Variants in ANKRD11 observed in about 807,000 individuals in gnomAD.
ANKRD11 encodes the protein ankyrin repeat domain-containing protein 11.
A neutral mutation model predicts 195.7 loss-of-function variants in ANKRD11; 17 were observed. The ratio of observed to expected loss-of-function variants is 0.09; its 90% CI spans 0.06 to 0.13. The LOEUF is 0.13. ANKRD11 is among the 10% of genes least tolerant of loss of function. The probability of loss-of-function intolerance (pLI) is 1.00; values close to 1 mark genes in which losing one functional copy is unlikely to be tolerated. For synonymous variants in ANKRD11, 1,953 were observed against 1,528.1 expected, an observed-to-expected ratio of 1.28 and a Z score of -6.49; for missense variants, 3,735 against 3,566.1, an observed-to-expected ratio of 1.05 and a Z score of -1.21.
intron 1 of ANKRD11, among the ~76,000 whole-genome samples, chr16:89,444,683 C>T (rs185005507): frequency 7.2e-5 from 11 of 152,284 alleles, no homozygotes; most frequent in African/African-American, 2.4e-4. Flanking sequence ...TAGTGGCTCA[C>T]GCTTGTAATC....
At position 89,282,505 on chromosome 16, in the gene ANKRD11, T is replaced by C; in HGVS notation, c.4037A>G (p.Glu1346Gly). Residue 1346 changes from glutamate to glycine, a missense_variant, in exon 9 of 13, where the codon GAG becomes GGG. Physicochemically the swap from Glu to Gly is moderately conservative, Grantham distance 98. Coordinates refer to ENST00000301030, the MANE Select transcript of ANKRD11 (RefSeq NM_013275.6). Reference sequence around the variant, plus strand: ...TGAGGAGTGTCTGTGCCTCTCCTTCTCTTTCAGCTTCTCAGGGAGGCAGGC... The same window carrying C: ...TGAGGAGTGTCTGTGCCTCTCCTTCCCTTTCAGCTTCTCAGGGAGGCAGGC... ...ESACLPEKLKEKERHRHSSSS... is the reference protein window; with the variant it reads ...ESACLPEKLKGKERHRHSSSS... The C allele has an allele frequency of 6.2e-7, 1 of 1,614,144 alleles. No homozygotes were observed. Among genetic ancestry groups the C allele is most frequent in the Non-Finnish European group, 8.5e-7 (1 of 1,180,018 alleles).
chr16:89,452,749 C>T (rs2044137478), intron 1 of ANKRD11, among the ~76,000 whole-genome samples: 1 of 128,906 alleles, frequency 7.8e-6, no homozygotes, highest in Non-Finnish European at 1.5e-5. Flanking sequence ...CATTGCACTC[C>T]AGCCTAGGCA....
intron 2 of ANKRD11, among the ~76,000 whole-genome samples, chr16:89,388,141 T>C (rs374378320): frequency 2.6e-5 from 4 of 152,118 alleles, no homozygotes; most frequent in African/African-American, 9.6e-5. Flanking sequence ...GCTAACATCA[T>C]ACATAAACAT....
chr16:89,489,931 GGCCGACCCAAGCTCC>G (rs2057762942), intron 1 of ANKRD11, among the ~76,000 whole-genome samples: 2 of 113,738 alleles, frequency 1.8e-5, no homozygotes, highest in African/African-American at 6.8e-5. Context: ...CGCCCCTTAC[GGCCGACCCAAGCTCC>G]GCCGACCTCC....
chr16:89,290,360 TG>T (rs1177675043), intron 6 of ANKRD11, among the ~76,000 whole-genome samples: 1 of 31,026 alleles, frequency 3.2e-5, no homozygotes, highest in African/African-American at 1.3e-4. Flanking sequence ...AGGGCTCCAA[TG>T]GGGGGAGGCT....
At chr16:89,427,036 G>C (rs2042745049) in intron 1 of ANKRD11, among the ~76,000 whole-genome samples, 1 of 152,146 alleles carries the variant, frequency 6.6e-6, no homozygotes, top group Admixed American at 6.5e-5. Context: ...ATGCAACAAG[G>C]TCTTCAGTCA....
At chr16:89,442,735 C>T (rs747393062) in intron 1 of ANKRD11, among the ~76,000 whole-genome samples, 8 of 152,180 alleles carry the variant, frequency 5.3e-5, no homozygotes, top group African/African-American at 7.2e-5. Context: ...CCCAGACACG[C>T]ACAGCAAGGT....
chr16:89,277,161 C>T (rs1038321914), intron 9 of ANKRD11, among the ~76,000 whole-genome samples: 2 of 152,260 alleles, frequency 1.3e-5, no homozygotes, highest in African/African-American at 2.4e-5. Context: ...CCCAGCCCCC[C>T]AGTGAGGGTT....
intron 1 of ANKRD11, among the ~76,000 whole-genome samples, chr16:89,423,084 C>T (rs764092920): frequency 6.6e-6 from 1 of 152,186 alleles, no homozygotes; most frequent in African/African-American, 2.4e-5. Context: ...CCAAGGGCCA[C>T]GGTGGTTTCA....
intron 1 of ANKRD11, among the ~76,000 whole-genome samples, chr16:89,440,269 G>T (rs987385532): frequency 3.3e-5 from 5 of 152,130 alleles, no homozygotes; most frequent in African/African-American, 9.7e-5. Flanking sequence ...ATGTTCCCCT[G>T]GGGGGAGGGA....
intron 2 of ANKRD11, among the ~76,000 whole-genome samples, chr16:89,402,479 A>T (rs1412977194): frequency 6.6e-6 from 1 of 152,092 alleles, no homozygotes; most frequent in East Asian, 1.9e-4. Context: ...CAAGAGTTCA[A>T]GAGCATCCTG....
chr16:89,270,493 G>A (rs1477288083), intron 12 of ANKRD11: 1 of 418,052 alleles, frequency 2.4e-6, no homozygotes, highest in African/African-American at 2.0e-5. Flanking sequence ...GAGCAGTGGA[G>A]GGTGAATGCT....
intron 2 of ANKRD11, among the ~76,000 whole-genome samples, chr16:89,349,134 T>TAAAAAAAAAAAAAAAAAAAAAAAAA (rs59621400): frequency 1.2e-4 from 2 of 16,578 alleles, no homozygotes; most frequent in Non-Finnish European, 1.9e-4. Context: ...TCTCAAAAAG[T>TAAAAAAAAAAAAAAAAAAAAAAAAA]AAAAAAAAAA....
rs537414925 is a variant in ANKRD11 at position 89,397,056 on chromosome 16, T to C, written c.-60+21228A>G. 1.2e-4 allele frequency among the ~76,000 whole-genome samples: 19 copies of C among 152,184 alleles called. 1 individual carries two copies. In the East Asian group the frequency reaches 3.3e-3, roughly 26 times the overall value. ...TTTTTTAAAGAATGTGCTGCTTATA[T>C]GCAATGGGCTTATTATTCCTGTTGT... is the stretch of plus-strand genomic sequence containing the variant. On this transcript the variant is annotated intron_variant, in intron 2 of 12. Coordinates refer to ENST00000301030, the MANE Select transcript of ANKRD11 (RefSeq NM_013275.6).
chr16:89,312,633 G>A (rs1040199249), intron 3 of ANKRD11, among the ~76,000 whole-genome samples: 1 of 43,840 alleles, frequency 2.3e-5, no homozygotes, highest in Non-Finnish European at 5.8e-5. Context: ...CCCTCTCCAC[G>A]AGCCCATGTG....
At chr16:89,310,320 G>A (rs1000170002) in intron 3 of ANKRD11, among the ~76,000 whole-genome samples, 6 of 152,234 alleles carry the variant, frequency 3.9e-5, no homozygotes, top group African/African-American at 1.2e-4. Flanking sequence ...CTACCAAGAG[G>A]AAGCACACTA....
At chr16:89,410,785 G>T (rs1280508211) in intron 2 of ANKRD11, among the ~76,000 whole-genome samples, 3 of 152,242 alleles carry the variant, frequency 2.0e-5, no homozygotes, top group African/African-American at 7.2e-5. Context: ...CCCATGCCCA[G>T]GCAGAGAGCC....
intron 1 of ANKRD11, among the ~76,000 whole-genome samples, chr16:89,455,479 C>T (rs984883600): frequency 1.3e-5 from 2 of 152,148 alleles, no homozygotes; most frequent in African/African-American, 4.8e-5. Flanking sequence ...CCTCAAAACA[C>T]ACCAGGTGGG....
intron 1 of ANKRD11, among the ~76,000 whole-genome samples, chr16:89,421,646 T>A (rs1267170909): frequency 1.1e-5 from 1 of 94,318 alleles, no homozygotes; most frequent in Non-Finnish European, 2.1e-5. Flanking sequence ...GGGGCGGGGG[T>A]GAGACACGAA....
Sources: gnomAD v4.1 joint callset for allele counts (sites outside exome capture counted in the v4.1 genomes callset) on GRCh38, gnomAD v4.1.1 for gene constraint, MANE v1.5 for transcripts, NCBI Gene and HGNC (gene_info 2026-07-23, HGNC 2026-07-21) for gene names.